Variants in PRKCB observed in about 807,000 individuals in gnomAD.
PRKCB encodes protein kinase C beta, also known as protein kinase C beta type.
In PRKCB, 13 loss-of-function variants were observed where a neutral mutation model predicts 81.5. That is an observed-to-expected ratio of 0.16 (90% CI 0.10 to 0.25). PRKCB has a LOEUF of 0.25. Ranked by LOEUF, PRKCB falls within the 10% of genes least tolerant of loss-of-function variation. The probability of loss-of-function intolerance (pLI) is 1.00; values close to 1 mark genes in which losing one functional copy is unlikely to be tolerated. For missense variants in PRKCB, 509 were observed against 875.7 expected, an observed-to-expected ratio of 0.58 and a Z score of 5.29; for synonymous variants, 335 against 321.4, an observed-to-expected ratio of 1.04 and a Z score of -0.45.
chr16:24,115,068 G>A (rs948372742), intron 8 of PRKCB, among the ~76,000 whole-genome samples: 23 of 152,160 alleles, frequency 1.5e-4, no homozygotes, highest in African/African-American at 5.6e-4. Context: ...GGGTTATATA[G>A]CAGCAATGTG....
At chr16:23,978,268 C>G (rs1964650666) in intron 2 of PRKCB, among the ~76,000 whole-genome samples, 1 of 152,236 alleles carries the variant, frequency 6.6e-6, no homozygotes, top group Non-Finnish European at 1.5e-5. Flanking sequence ...GCATATGCCC[C>G]TCAGTTCAGC....
At chr16:24,180,522 C>T (rs909697319) in intron 12 of PRKCB, among the ~76,000 whole-genome samples, 6 of 152,166 alleles carry the variant, frequency 3.9e-5, no homozygotes, top group African/African-American at 1.4e-4. Context: ...TTCTGTGGAT[C>T]TCCGTCTTTT....
At chr16:24,132,830 G>A (rs527972348) in intron 9 of PRKCB, among the ~76,000 whole-genome samples, 1 of 150,730 alleles carries the variant, frequency 6.6e-6, no homozygotes, top group East Asian at 2.0e-4. Context: ...ACCCAGGCTG[G>A]AGGGCAGTGG....
chr16:24,218,474 A>G lies in PRKCB; in HGVS notation c.*3658A>G, dbSNP rs955353850. ...TCTTAGCCTGCCCCACTCTAGCCACACATACCCACGTGTGCTCCTGAGTTC... is the reference window on the plus strand; with the variant it reads ...TCTTAGCCTGCCCCACTCTAGCCACGCATACCCACGTGTGCTCCTGAGTTC... On this transcript the variant is annotated 3_prime_UTR_variant, in exon 17 of 17. Coordinates refer to ENST00000643927, the MANE Select transcript of PRKCB (RefSeq NM_002738.7). The G allele has an allele frequency of 1.4e-5, 14 of 985,250 alleles. No homozygotes were observed. In the African/African-American group the frequency reaches 2.4e-4, roughly 17 times the overall value. 61.0% of individuals were successfully genotyped at this position (985,250 alleles called of 1,614,324 possible).
chr16:24,103,799 A>T lies in PRKCB; in HGVS notation c.822-9174A>T, dbSNP rs1966540576. The stretch of plus-strand genomic sequence containing the variant: ...ATACATTTATTCATTCCAATGTATT[A>T]TAAGGTCCAGATCTTTTTTTTCTGA... On this transcript the variant is annotated intron_variant, in intron 7 of 16. Coordinates refer to ENST00000643927, the MANE Select transcript of PRKCB (RefSeq NM_002738.7). Among the ~76,000 whole-genome samples the T allele has an allele frequency of 2.0e-5, 3 of 152,056 alleles. No individual in the cohort carries two copies. In the South Asian group the frequency reaches 6.2e-4, roughly 32 times the overall value.
intron 3 of PRKCB, among the ~76,000 whole-genome samples, chr16:24,010,109 G>A (rs1045489756): frequency 1.3e-5 from 2 of 152,100 alleles, no homozygotes; most frequent in African/African-American, 4.8e-5. Context: ...AGGACACATA[G>A]CATCCTGTTC....
chr16:24,067,567 G>A (rs1295689493), intron 5 of PRKCB, among the ~76,000 whole-genome samples: 2 of 152,074 alleles, frequency 1.3e-5, no homozygotes, highest in South Asian at 2.1e-4. Flanking sequence ...TCAAAGTGCT[G>A]AGATTACAGG....
intron 5 of PRKCB, among the ~76,000 whole-genome samples, chr16:24,079,404 T>G (rs1431460652): frequency 1.3e-5 from 2 of 152,202 alleles, no homozygotes; most frequent in African/African-American, 4.8e-5. Flanking sequence ...TAGTTCCAGT[T>G]TGTTAAGAAT....
At chr16:23,866,995 C>CCCTTCCTTCCTTCCTTCCTTCCTT (rs1313990151) in intron 2 of PRKCB, among the ~76,000 whole-genome samples, 1 of 71,644 alleles carries the variant, frequency 1.4e-5, no homozygotes, top group Non-Finnish European at 2.8e-5. Context: ...TCCCTTCCTT[C>CCCTTCCTTCCTTCCTTCCTTCCTT]CCTTCCTTCC....
intron 2 of PRKCB, among the ~76,000 whole-genome samples, chr16:23,912,570 T>C (rs1207701385): frequency 7.8e-6 from 1 of 128,306 alleles, no homozygotes. Flanking sequence ...TGGAGTGCAG[T>C]GGCGTGATCT....
intron 5 of PRKCB, among the ~76,000 whole-genome samples, chr16:24,087,113 A>C (rs1966319171): frequency 6.6e-6 from 1 of 152,286 alleles, no homozygotes; most frequent in South Asian, 2.1e-4. Flanking sequence ...CTTATCCTGA[A>C]ATACTTCAGT....
chr16:24,124,124 C>T, intron 9 of PRKCB, 143 bp downstream of exon 9: 1 of 1,024,552 alleles, frequency 9.8e-7, no homozygotes, highest in Non-Finnish European at 1.4e-6. Context: ...GTAATGAATA[C>T]CATGAAGGAA....
intron 2 of PRKCB, among the ~76,000 whole-genome samples, chr16:23,840,100 A>G (rs1349908558): frequency 6.6e-6 from 1 of 152,234 alleles, no homozygotes; most frequent in Non-Finnish European, 1.5e-5. Flanking sequence ...TAGAATGGGA[A>G]CATATAGGAA....
intron 2 of PRKCB, among the ~76,000 whole-genome samples, chr16:23,885,644 G>A (rs1314041500): frequency 6.6e-6 from 1 of 152,032 alleles, no homozygotes; most frequent in Non-Finnish European, 1.5e-5. Flanking sequence ...CCCCTTTTCT[G>A]GCATTCTCTT....
rs545188632 is a variant in PRKCB, at chr16:24,158,563, T to A, written c.1239+3706T>A. ...ATAAGTATATGTATATGTATATGTATATGTATATGTATATGTATATGTATA... is the reference window on the plus strand; with the variant it reads ...ATAAGTATATGTATATGTATATGTAAATGTATATGTATATGTATATGTATA... On this transcript the variant is annotated intron_variant, in intron 10 of 16. Coordinates refer to ENST00000643927, the MANE Select transcript of PRKCB (RefSeq NM_002738.7). 6.4e-3 allele frequency among the ~76,000 whole-genome samples: 976 copies of A among 151,904 alleles called. 14 individuals carry two copies. Among genetic ancestry groups the A allele is most frequent in the African/African-American group, 0.022 (929 of 41,354 alleles).
chr16:24,215,372 AT>A lies in PRKCB; in HGVS notation c.*558del. ...AAGTTAAGATGATCAAAGTTCTAAAATTCCAAGAATGTGCTTTTAGACGGTC... is the reference window on the plus strand; with the variant it reads ...AAGTTAAGATGATCAAAGTTCTAAAATCCAAGAATGTGCTTTTAGACGGTC... On this transcript the variant is annotated 3_prime_UTR_variant, in exon 17 of 17. Coordinates refer to ENST00000643927, the MANE Select transcript of PRKCB (RefSeq NM_002738.7). 3.0e-6 allele frequency: 3 copies of A among 986,168 alleles called. No individual in the cohort carries two copies. Among genetic ancestry groups the A allele is most frequent in the Non-Finnish European group, 3.6e-6 (3 of 830,184 alleles). The allele number at this position is 986,168 out of a possible 1,614,324, so 61.1% of individuals were successfully genotyped here.
intron 5 of PRKCB, among the ~76,000 whole-genome samples, chr16:24,090,598 G>A (rs372809830): frequency 6.6e-5 from 10 of 152,304 alleles, no homozygotes; most frequent in East Asian, 5.8e-4. Context: ...TATGAATGGA[G>A]TAAAAGCAAG....
chr16:24,181,324 C>A (rs779709319), intron 13 of PRKCB, among the ~76,000 whole-genome samples: 3 of 152,122 alleles, frequency 2.0e-5, no homozygotes, highest in Non-Finnish European at 4.4e-5. Flanking sequence ...CTGTATATGT[C>A]CCTCAGCAGG....
intron 16 of PRKCB, among the ~76,000 whole-genome samples, chr16:24,202,459 T>C (rs1251949509): frequency 6.6e-6 from 1 of 152,206 alleles, no homozygotes; most frequent in African/African-American, 2.4e-5. Flanking sequence ...GACCTCACCA[T>C]ATTATTAGGT....
Sources: allele counts gnomAD v4.1 joint callset (sites outside exome capture counted in the v4.1 genomes callset), GRCh38; gene constraint gnomAD v4.1.1; transcripts MANE v1.5; gene names NCBI Gene and HGNC (gene_info 2026-07-23, HGNC 2026-07-21).